GPR107: variants seen among roughly 807,000 people sequenced by gnomAD.
GPR107 encodes G protein-coupled receptor 107.
GPR107 carries 31 observed loss-of-function variants against 75.5 expected under a neutral mutation model. The observed-to-expected ratio is 0.41, with a 90% CI of 0.31 to 0.55. The LOEUF is 0.55. Among genes scored for constraint, GPR107 ranks in the 20% least tolerant of loss-of-function variants. The probability of loss-of-function intolerance (pLI) is 0.26; values close to 1 mark genes in which losing one functional copy is unlikely to be tolerated. For missense variants in GPR107, 572 were observed against 665.7 expected (o/e 0.86, Z 1.55); for synonymous variants, 267 against 251.3 (o/e 1.06, Z -0.59).
rs150639543 is a variant in GPR107 at position 130,096,279 on chromosome 9, G to A, written c.864-3178G>A. ...TCCCTTTTGACCTTCAAGTAGGTGG[G>A]CACTGGAACAGGAAAGTACCAGGGA... On this transcript the variant is annotated intron_variant, in intron 9 of 17. Coordinates refer to ENST00000347136, the MANE Select transcript of GPR107 (RefSeq NM_020960.5). Among the ~76,000 whole-genome samples the A allele has an allele frequency of 2.6e-5, 4 of 152,024 alleles. No homozygotes were observed. The East Asian group carries it at 7.8e-4, about 30-fold the overall frequency.
intron 17 of GPR107, among the ~76,000 whole-genome samples, chr9:130,131,912 A>T (rs1212357682): frequency 4.0e-5 from 6 of 151,244 alleles, no homozygotes; most frequent in Non-Finnish European, 7.4e-5. Flanking sequence ...ACAGGGTCTC[A>T]CTCTGTCACC....
chr9:130,125,089 G>GC, intron 15 of GPR107, 125 bp downstream of exon 15: 1 of 100,670 alleles, frequency 9.9e-6, no homozygotes, highest in Non-Finnish European at 1.7e-5. Context: ...AGTGTGGCTT[G>GC]CTTTTTTTTT....
chr9:130,054,273 G>A (rs1445382322), intron 1 of GPR107, among the ~76,000 whole-genome samples, 200 bp downstream of exon 1: 2 of 152,242 alleles, frequency 1.3e-5, no homozygotes, highest in East Asian at 3.8e-4. Context: ...ACCGGCACGG[G>A]GCGGGAAGAC....
chr9:130,072,251 C>T (rs149668696), intron 1 of GPR107, among the ~76,000 whole-genome samples: 3,181 of 147,972 alleles, frequency 0.021, 47 homozygotes, highest in Middle Eastern at 0.034. Flanking sequence ...GATGGAGTCT[C>T]GCTGTCGCCC....
At chr9:130,072,471 G>A (rs1372496238) in intron 1 of GPR107, among the ~76,000 whole-genome samples, 6 of 151,898 alleles carry the variant, frequency 4.0e-5, no homozygotes, top group South Asian at 2.1e-4. Context: ...TGCCTGCCTC[G>A]GCCTCCCAAA....
chr9:130,131,297 G>A (rs1831821625), intron 17 of GPR107, among the ~76,000 whole-genome samples: 3 of 152,044 alleles, frequency 2.0e-5, no homozygotes, highest in South Asian at 4.1e-4. Flanking sequence ...TCCTCACATC[G>A]TGGGGGCCCC....
intron 12 of GPR107, among the ~76,000 whole-genome samples, chr9:130,101,924 ACTC>A (rs1271541139): frequency 6.6e-6 from 1 of 151,218 alleles, no homozygotes; most frequent in East Asian, 1.9e-4. Context: ...GAAGGGGACA[ACTC>A]CTGAGGCACC....
At chr9:130,066,485 T>C (rs1314935710) in intron 1 of GPR107, among the ~76,000 whole-genome samples, 1 of 152,108 alleles carries the variant, frequency 6.6e-6, no homozygotes, top group African/African-American at 2.4e-5. Context: ...TCTCAAACCT[T>C]TCCTAGGCAT....
At chr9:130,116,623 G>C (rs1041258401) in intron 14 of GPR107, among the ~76,000 whole-genome samples, 1 of 152,124 alleles carries the variant, frequency 6.6e-6, no homozygotes, top group African/African-American at 2.4e-5. Flanking sequence ...AGAGACTGAC[G>C]GGAGCTGAGT....
At chr9:130,058,274 C>T (rs539248849) in intron 1 of GPR107, among the ~76,000 whole-genome samples, 112 of 152,150 alleles carry the variant, frequency 7.4e-4, no homozygotes, top group Non-Finnish European at 1.2e-3. Flanking sequence ...GTAAGTTTAC[C>T]GAGTTGTACA....
intron 7 of GPR107, among the ~76,000 whole-genome samples, chr9:130,088,196 G>A (rs1023806190): frequency 6.6e-6 from 1 of 152,034 alleles, no homozygotes; most frequent in South Asian, 2.1e-4. Context: ...AGCCCCTGTT[G>A]TCTCTCTGAT....
chr9:130,094,178 T>A (rs953985357), intron 9 of GPR107, among the ~76,000 whole-genome samples: 1 of 152,002 alleles, frequency 6.6e-6, no homozygotes, highest in South Asian at 2.1e-4. Context: ...GGCGCGGTGG[T>A]ACACGCCTGT....
chr9:130,131,516 C>T (rs1831827300), intron 17 of GPR107, among the ~76,000 whole-genome samples: 3 of 152,138 alleles, frequency 2.0e-5, no homozygotes, highest in South Asian at 2.1e-4. Context: ...TCTCCCTCTT[C>T]GCACTCCCAG....
At chr9:130,086,394 T>C in intron 6 of GPR107, 26 bp from the exon 7 acceptor site, 1 of 1,163,752 alleles carries the variant, frequency 8.6e-7, no homozygotes, top group Non-Finnish European at 1.3e-6. Flanking sequence ...GGTGTCATCC[T>C]AAAACATACT....
intron 14 of GPR107, among the ~76,000 whole-genome samples, chr9:130,111,860 C>T (rs758235601): frequency 1.3e-5 from 2 of 152,180 alleles, no homozygotes; most frequent in Non-Finnish European, 2.9e-5. Flanking sequence ...GCGTCTTTGT[C>T]TCTCCTGTCA....
chr9:130,062,749 T>G (rs1589480102), intron 1 of GPR107, among the ~76,000 whole-genome samples: 1 of 151,506 alleles, frequency 6.6e-6, no homozygotes, highest in East Asian at 1.9e-4. Context: ...TAAGAGTGTC[T>G]CACTCTGTCA....
At chr9:130,097,010 C>T (rs1380914199) in intron 9 of GPR107, among the ~76,000 whole-genome samples, 1 of 152,150 alleles carries the variant, frequency 6.6e-6, no homozygotes, top group Non-Finnish European at 1.5e-5. Context: ...CCTGGACTGC[C>T]TACATCTCCC....
chr9:130,117,882 G>C (rs191926502), intron 14 of GPR107, among the ~76,000 whole-genome samples: 1 of 152,146 alleles, frequency 6.6e-6, no homozygotes, highest in Non-Finnish European at 1.5e-5. Context: ...CATAAATCAT[G>C]TGGTGTAAAC....
chr9:130,070,251 A>G (rs985454384), intron 1 of GPR107, among the ~76,000 whole-genome samples: 4 of 149,678 alleles, frequency 2.7e-5, no homozygotes, highest in African/African-American at 9.9e-5. Context: ...ATCCTTCTGC[A>G]TTAGCCTCCT....
Sources: allele counts gnomAD v4.1 joint callset (sites outside exome capture counted in the v4.1 genomes callset), GRCh38; gene constraint gnomAD v4.1.1; transcripts MANE v1.5; gene names NCBI Gene and HGNC (gene_info 2026-07-23, HGNC 2026-07-21).